Variants in MTPAP observed in about 807,000 individuals in gnomAD.
MTPAP encodes mitochondrial poly(A) polymerase.
Under a neutral mutation model 48.7 loss-of-function variants are expected in MTPAP, and 23 were observed. The observed-to-expected ratio is 0.47, with a 90% CI of 0.34 to 0.67. The LOEUF is 0.67. MTPAP is among the 30% of genes least tolerant of loss of function. MTPAP has a pLI of 0.01. For synonymous variants in MTPAP, 257 were observed against 254.1 expected, an observed-to-expected ratio of 1.01 and a Z score of -0.11; for missense variants, 614 against 694.3, an observed-to-expected ratio of 0.88 and a Z score of 1.30.
chr10:30,330,457 A>C (rs1834652125), intron 4 of MTPAP, among the ~76,000 whole-genome samples: 1 of 152,228 alleles, frequency 6.6e-6, no homozygotes, highest in Non-Finnish European at 1.5e-5. Context: ...ACTCAATCTC[A>C]GAAGCAACAG....
In MTPAP at chr10:30,316,118, C is replaced by G; in HGVS notation, c.1312G>C (p.Glu438Gln). ...ATCAAGTAAACAGAAAGACACTTAC[C>G]TAATGTTTCTGTGTTCTGTGAAGGT... ...IKPSQNTETL[E>Q]LLLKEFFEYF... Residue 438 changes from glutamate (E) to glutamine (Q), a missense_variant and splice_region_variant, in exon 7 of 9, where the codon GAA becomes CAA. Coordinates refer to ENST00000263063, the MANE Select transcript of MTPAP (RefSeq NM_018109.4). The G allele has an allele frequency of 6.2e-7, 1 of 1,612,430 alleles. No individual in the cohort carries two copies. Among genetic ancestry groups the G allele is most frequent in the Non-Finnish European group, 8.5e-7 (1 of 1,178,502 alleles).
rs1401697928 is a variant in MTPAP, at chr10:30,312,385, G to A, written c.*1224C>T. The A allele has an allele frequency of 2.0e-5, 3 of 151,768 alleles. No homozygotes were observed. Among genetic ancestry groups the A allele is most frequent in the Non-Finnish European group, 4.4e-5 (3 of 67,970 alleles). The allele number at this position is 151,768 out of a possible 1,614,324, so 9.4% of individuals were successfully genotyped here. On this transcript the variant is annotated 3_prime_UTR_variant, in exon 9 of 9. Transcript: ENST00000263063. ...CACGAGGTCGGGAGATCGAGACCAT[G>A]GTGAAACCCTGTCTCTACTAAAAAT...
At chr10:30,314,294 T>C (rs1840635747) in intron 8 of MTPAP, among the ~76,000 whole-genome samples, 1 of 151,906 alleles carries the variant, frequency 6.6e-6, no homozygotes, top group African/African-American at 2.4e-5. Flanking sequence ...TTTAAAATAA[T>C]ATAACTTTTA....
At chr10:30,346,720 G>C (rs1400458856) in intron 1 of MTPAP, among the ~76,000 whole-genome samples, 1 of 152,228 alleles carries the variant, frequency 6.6e-6, no homozygotes, top group Non-Finnish European at 1.5e-5. Flanking sequence ...TCTGGTAACA[G>C]CACACCCCTG....
chr10:30,323,288 A>G (rs1043417663), intron 5 of MTPAP, among the ~76,000 whole-genome samples: 2 of 145,778 alleles, frequency 1.4e-5, no homozygotes, highest in African/African-American at 5.1e-5. Flanking sequence ...CCTGTCTTAA[A>G]CAAAAATACA....
At chr10:30,318,467 G>C (rs1280777385) in intron 6 of MTPAP, among the ~76,000 whole-genome samples, 1 of 152,018 alleles carries the variant, frequency 6.6e-6, no homozygotes, top group African/African-American at 2.4e-5. Context: ...ATGTTTTTTT[G>C]TGATGCAGTG....
chr10:30,330,653 G>A (rs1834654715), intron 4 of MTPAP, among the ~76,000 whole-genome samples: 1 of 152,218 alleles, frequency 6.6e-6, no homozygotes, highest in Non-Finnish European at 1.5e-5. Flanking sequence ...AGTTATTGAA[G>A]CTGCTCACCA....
At chr10:30,347,934 C>T (rs762394544) in intron 1 of MTPAP, among the ~76,000 whole-genome samples, 1 of 150,932 alleles carries the variant, frequency 6.6e-6, no homozygotes, top group Non-Finnish European at 1.5e-5. Flanking sequence ...ATTTTTGCCA[C>T]CGAATAGCTG....
Position 30,341,565 on chromosome 10 carries a change from A to G in MTPAP, c.233T>C (p.Val78Ala). The change falls in exon 2 of 9, where the codon GTT (valine) becomes GCT (alanine). Residue 78 changes from valine to alanine, a missense_variant. By Grantham distance (64) the Val-to-Ala change is moderately conservative (BLOSUM62 0). Coordinates refer to ENST00000263063, the MANE Select transcript of MTPAP (RefSeq NM_018109.4). ...GATTTTCTCTGGGCAATGTATTAAA[A>G]CAGTCCGCTGTGCCTGTTCTCGTCT... Reference protein sequence around the residue: ...NERREQAQRTVLIHCPEKISE... With the variant: ...NERREQAQRTALIHCPEKISE... 1 of 1,614,182 alleles carries G rather than the reference A, an allele frequency of 6.2e-7. No individual in the cohort carries two copies. The highest frequency in any genetic ancestry group is 8.5e-7 in the Non-Finnish European group (1 of 1,180,016).
At chr10:30,317,219 G>A (rs1238334207) in intron 6 of MTPAP, among the ~76,000 whole-genome samples, 3 of 152,160 alleles carry the variant, frequency 2.0e-5, no homozygotes, top group Non-Finnish European at 4.4e-5. Context: ...GAGGTAATCA[G>A]TTTTCTAACA....
At chr10:30,335,418 G>A (rs1225097775) in intron 4 of MTPAP, among the ~76,000 whole-genome samples, 4 of 152,182 alleles carry the variant, frequency 2.6e-5, no homozygotes, top group African/African-American at 7.2e-5. Context: ...CTTGGAAGGC[G>A]GAAGTTGCTG....
chr10:30,335,812 C>A (rs2246584), intron 4 of MTPAP, among the ~76,000 whole-genome samples: 5 of 151,692 alleles, frequency 3.3e-5, no homozygotes, highest in Non-Finnish European at 7.4e-5. Flanking sequence ...GAGTTCAAAA[C>A]CAGCCTGACC....
At chr10:30,324,369 A>G (rs976605263) in intron 5 of MTPAP, among the ~76,000 whole-genome samples, 3 of 152,032 alleles carry the variant, frequency 2.0e-5, no homozygotes, top group African/African-American at 7.2e-5. Context: ...TGTATATATA[A>G]AAGAAAAACA....
At chr10:30,317,792 C>G (rs1337202648) in intron 6 of MTPAP, among the ~76,000 whole-genome samples, 2 of 152,178 alleles carry the variant, frequency 1.3e-5, no homozygotes, top group Non-Finnish European at 2.9e-5. Flanking sequence ...CCACCACCGA[C>G]CTGCCCCCAA....
chr10:30,331,554 T>C (rs1278606272), intron 4 of MTPAP, among the ~76,000 whole-genome samples: 1 of 152,212 alleles, frequency 6.6e-6, no homozygotes, highest in Admixed American at 6.5e-5. Context: ...AACATTAAAA[T>C]CTACATTTCA....
At chr10:30,329,616 T>C (rs1186291707) in intron 4 of MTPAP, among the ~76,000 whole-genome samples, 1 of 152,180 alleles carries the variant, frequency 6.6e-6, no homozygotes, top group Non-Finnish European at 1.5e-5. Context: ...CTGGGTTCTA[T>C]GATGCCTCCT....
Position 30,316,168 on chromosome 10 carries a change from A to G in MTPAP, c.1262T>C (p.Phe421Ser). 6.2e-7 allele frequency: 1 copy of G among 1,614,074 alleles called. No individual in the cohort carries two copies. The highest frequency in any genetic ancestry group is 1.3e-5 in the African/African-American group (1 of 75,054). ...TTTAATTCTACTCAAGTCACGAACA[A>G]ATGTGCAGTTGTTGCCTTCTATTAC... is the stretch of plus-strand genomic sequence containing the variant. ...KCVIEGNNCT[F>S]VRDLSRIKPS... Residue 421 changes from phenylalanine to serine, a missense_variant, in exon 7 of 9, where the codon TTT becomes TCT. Coordinates refer to ENST00000263063, the MANE Select transcript of MTPAP (RefSeq NM_018109.4).
intron 1 of MTPAP, among the ~76,000 whole-genome samples, chr10:30,346,103 G>A (rs1834871160): frequency 6.8e-6 from 1 of 147,182 alleles, no homozygotes. Flanking sequence ...ACAAAATAAA[G>A]ATGCATGCAC....
chr10:30,343,530 T>G (rs1834836687), intron 1 of MTPAP, among the ~76,000 whole-genome samples: 1 of 151,896 alleles, frequency 6.6e-6, no homozygotes, highest in African/African-American at 2.4e-5. Context: ...AACTGATGGA[T>G]CAAGGAAATA....
Sources: allele counts gnomAD v4.1 joint callset (sites outside exome capture counted in the v4.1 genomes callset), GRCh38; gene constraint gnomAD v4.1.1; transcripts MANE v1.5; gene names NCBI Gene and HGNC (gene_info 2026-07-23, HGNC 2026-07-21).